The following C8orf34 variants were observed in gnomAD, a reference collection of about 807,000 sequenced individuals.
The protein encoded by C8orf34 is chromosome 8 open reading frame 34.
In C8orf34, 65 loss-of-function variants were observed where a neutral mutation model predicts 68.3. The ratio of observed to expected loss-of-function variants is 0.95; its 90% CI spans 0.78 to 1.17. The LOEUF (loss-of-function observed/expected upper bound fraction) is 1.17. Among genes scored for constraint, C8orf34 ranks in the 50% most tolerant of loss-of-function variants. C8orf34 has a pLI of 0.00. For missense variants in C8orf34, 664 were observed against 655.4 expected (o/e 1.01, Z -0.14); for synonymous variants, 244 against 241.2 (o/e 1.01, Z -0.11).
At chr8:68,385,958 G>T (rs6993474) in intron 1 of C8orf34, among the ~76,000 whole-genome samples, 1 of 152,032 alleles carries the variant, frequency 6.6e-6, no homozygotes, top group Non-Finnish European at 1.5e-5. Flanking sequence ...GGAGTGTAGT[G>T]GCGTGGTAAT....
chr8:68,785,588 TC>T (rs2129528945), intron 11 of C8orf34, among the ~76,000 whole-genome samples: 2 of 152,338 alleles, frequency 1.3e-5, no homozygotes, highest in African/African-American at 4.8e-5. Flanking sequence ...CCTTATTTCC[TC>T]CCCCTTCAGT....
At chr8:68,759,109 A>T (rs573814729) in intron 10 of C8orf34, among the ~76,000 whole-genome samples, 1 of 152,294 alleles carries the variant, frequency 6.6e-6, no homozygotes, top group Non-Finnish European at 1.5e-5. Flanking sequence ...CATATGAAAT[A>T]TATACACACA....
intron 4 of C8orf34, among the ~76,000 whole-genome samples, chr8:68,477,374 A>G (rs1223405755): frequency 6.6e-6 from 1 of 152,210 alleles, no homozygotes; most frequent in African/African-American, 2.4e-5. Flanking sequence ...CCTGGAGGCA[A>G]GGACAGAAAT....
At chr8:68,549,814 T>C (rs1177741153) in intron 7 of C8orf34, among the ~76,000 whole-genome samples, 3 of 151,742 alleles carry the variant, frequency 2.0e-5, no homozygotes, top group Non-Finnish European at 4.4e-5. Context: ...GATTGTGATA[T>C]ATTCTTGACT....
chr8:68,809,604 A>C (rs553339868), intron 12 of C8orf34, among the ~76,000 whole-genome samples: 15 of 152,314 alleles, frequency 9.8e-5, no homozygotes, highest in African/African-American at 3.4e-4. Context: ...CTCCAAAACA[A>C]AAAAGAACCC....
intron 1 of C8orf34, among the ~76,000 whole-genome samples, chr8:68,347,649 C>T (rs1585958448): frequency 6.6e-6 from 1 of 152,048 alleles, no homozygotes. Context: ...TTAGTAATAG[C>T]CATTCTGACT....
chr8:68,386,955 T>C (rs1808287569), intron 1 of C8orf34, among the ~76,000 whole-genome samples: 1 of 152,088 alleles, frequency 6.6e-6, no homozygotes, highest in Non-Finnish European at 1.5e-5. Context: ...CACAAATTAA[T>C]AACTACTGCT....
intron 7 of C8orf34, among the ~76,000 whole-genome samples, chr8:68,586,119 A>G (rs1179093701): frequency 6.6e-6 from 1 of 152,162 alleles, no homozygotes; most frequent in East Asian, 1.9e-4. Flanking sequence ...AGCAGAAAAC[A>G]GAGGAAGATA....
chr8:68,395,017 G>C (rs1339873336), intron 1 of C8orf34, among the ~76,000 whole-genome samples: 1 of 151,912 alleles, frequency 6.6e-6, no homozygotes, highest in African/African-American at 2.4e-5. Flanking sequence ...AGTTTATTTT[G>C]GCAGCTTTGG....
chr8:68,393,859 G>T (rs139160541), intron 1 of C8orf34, among the ~76,000 whole-genome samples: 2 of 152,224 alleles, frequency 1.3e-5, no homozygotes, highest in East Asian at 3.9e-4. Context: ...AGAGAAACAA[G>T]GTTGACGATA....
At chr8:68,551,668 T>C (rs1816076244) in intron 7 of C8orf34, among the ~76,000 whole-genome samples, 1 of 152,082 alleles carries the variant, frequency 6.6e-6, no homozygotes. Context: ...CCTTTAGCAA[T>C]GTGTAAGATG....
chr8:68,648,564 G>A (rs914156922), intron 8 of C8orf34, among the ~76,000 whole-genome samples: 1 of 152,138 alleles, frequency 6.6e-6, no homozygotes, highest in African/African-American at 2.4e-5. Flanking sequence ...GGGCATTCCG[G>A]GTGGTAAGAT....
At chr8:68,451,852 G>T (rs73262708) in intron 3 of C8orf34, among the ~76,000 whole-genome samples, 18,156 of 151,908 alleles carry the variant, frequency 0.12, 1,252 homozygotes, top group African/African-American at 0.17. Flanking sequence ...GTTCAATGCA[G>T]GGTCCCCACG....
chr8:68,413,210 T>C (rs1809518919), intron 1 of C8orf34, among the ~76,000 whole-genome samples: 1 of 152,160 alleles, frequency 6.6e-6, no homozygotes, highest in South Asian at 2.1e-4. Context: ...CGTTTCCCTT[T>C]TCTCAAAACC....
intron 3 of C8orf34, among the ~76,000 whole-genome samples, chr8:68,451,814 C>A (rs893875488): frequency 1.3e-5 from 2 of 151,980 alleles, no homozygotes; most frequent in African/African-American, 4.8e-5. Flanking sequence ...CGAGCACATG[C>A]TGTTGGAAAA....
intron 5 of C8orf34, among the ~76,000 whole-genome samples, chr8:68,503,044 GAAC>G: frequency 6.6e-6 from 1 of 152,196 alleles, no homozygotes; most frequent in African/African-American, 2.4e-5. Context: ...CAGGTTTTCT[GAAC>G]AACAAAAAGC....
intron 7 of C8orf34, among the ~76,000 whole-genome samples, chr8:68,636,448 C>T (rs998348942): frequency 3.3e-5 from 5 of 151,444 alleles, no homozygotes; most frequent in Admixed American, 6.6e-5. Flanking sequence ...AGCCAGGTGT[C>T]GTGGTATGTG....
chr8:68,705,281 G>A (rs1821130805), intron 8 of C8orf34, among the ~76,000 whole-genome samples: 1 of 152,130 alleles, frequency 6.6e-6, no homozygotes, highest in Admixed American at 6.6e-5. Context: ...CAAAGTGGTT[G>A]AGATGATTCA....
intron 5 of C8orf34, among the ~76,000 whole-genome samples, chr8:68,507,809 C>T (rs1814089601): frequency 6.6e-6 from 1 of 152,132 alleles, no homozygotes; most frequent in Non-Finnish European, 1.5e-5. Flanking sequence ...TATGGATTTC[C>T]TTTATATAGT....
Sources: allele counts gnomAD v4.1 joint callset (sites outside exome capture counted in the v4.1 genomes callset), GRCh38; gene constraint gnomAD v4.1.1; transcripts MANE v1.5; gene names NCBI Gene and HGNC (gene_info 2026-07-23, HGNC 2026-07-21).